Variants in C15orf40 observed in about 807,000 individuals in gnomAD.
C15orf40 encodes chromosome 15 open reading frame 40, also known as UPF0235 protein C15orf40.
A neutral mutation model predicts 13.9 loss-of-function variants in C15orf40; 9 were observed. The observed-to-expected ratio is 0.65, with a 90% CI of 0.39 to 1.13. The LOEUF is 1.13. Ranked by LOEUF, C15orf40 falls within the 50% of genes most tolerant of loss-of-function variation. The pLI is 0.01. For missense variants in C15orf40, 225 were observed against 188.5 expected (o/e 1.19, Z -1.13); for synonymous variants, 95 against 69.2 (o/e 1.37, Z -1.85).
At chr15:82,990,543 C>CT (rs397854504), downstream of C15orf40, 48,731 of 681,892 alleles carry the variant, frequency 0.071, 179 homozygotes, top group South Asian at 0.11. Flanking sequence ...AAAACAATTG[C>CT]TTTTTTTTTT....
intron 1 of C15orf40, 110 bp downstream of exon 1, chr15:83,011,387 G>T (rs1394998585): frequency 1.6e-6 from 2 of 1,258,668 alleles, no homozygotes; most frequent in Non-Finnish European, 1.1e-6. Flanking sequence ...ACTGAGAGAC[G>T]GCAAGCCGCT....
At chr15:83,009,250 A>C (rs1305971336) in intron 2 of C15orf40, among the ~76,000 whole-genome samples, 1 of 152,238 alleles carries the variant, frequency 6.6e-6, no homozygotes, top group Non-Finnish European at 1.5e-5. Context: ...AGGCTTTACA[A>C]ATACTAACTT....
Position 83,005,555 on chromosome 15 carries a change from A to T in C15orf40, c.*42T>A. 1 of 1,542,414 alleles carries T rather than the reference A, an allele frequency of 6.5e-7. No homozygotes were observed. The highest frequency in any genetic ancestry group is 8.8e-7 in the Non-Finnish European group (1 of 1,139,082). ...CACCACGGCCTCCCAAAGTGCTGGG[A>T]TTACAGGCATGAGCCACTGCGCCCG... On this transcript the variant is annotated 3_prime_UTR_variant, in exon 4 of 4. Transcript: ENST00000304177.
Position 82,997,638 on chromosome 15 carries a change from A to C in C15orf40, c.*7959T>G, listed in dbSNP as rs911355035. On this transcript the variant is annotated 3_prime_UTR_variant, in exon 4 of 4. Coordinates refer to ENST00000304177, the MANE Select transcript of C15orf40 (RefSeq NM_144597.3). Reference sequence around the variant, plus strand: ...GACACAGCAACCATCCGATCTCTCAATCTTTTCCCCACCTTTCCCGCCTTT... The same window carrying C: ...GACACAGCAACCATCCGATCTCTCACTCTTTTCCCCACCTTTCCCGCCTTT... 1.1e-5 allele frequency: 3 copies of C among 275,522 alleles called. No homozygotes were observed. The highest frequency in any genetic ancestry group is 2.9e-5 in the South Asian group (1 of 34,388). The allele number at this position is 275,522 out of a possible 1,614,324, so 17.1% of individuals were successfully genotyped here. A position where few individuals can be genotyped will look rare whatever the true frequency, so the allele number is the denominator to read the frequency against.
At chr15:82,990,069 A>G (rs761850135), downstream of C15orf40, 3 of 1,348,062 alleles carry the variant, frequency 2.2e-6, no homozygotes, top group Non-Finnish European at 3.0e-6. Flanking sequence ...TACTACTGAT[A>G]GAAATGTTGG....
chr15:82,991,357 C>A (rs545048904), downstream of C15orf40, among the ~76,000 whole-genome samples: 76 of 152,144 alleles, frequency 5.0e-4, no homozygotes, highest in African/African-American at 1.6e-3. Context: ...CCAGCCTGAC[C>A]AACATGATGA....
At position 82,998,145 on chromosome 15, in the gene C15orf40, A is replaced by AAG; in HGVS notation, c.*7451_*7452insCT. The stretch of plus-strand genomic sequence containing the variant: ...GGCAGAGGCGCCCCTCACCTCCCGG[A>AAG]CGGGGCGGCTGGCCGGGCGGGGGGC... On this transcript the variant is annotated 3_prime_UTR_variant, in exon 4 of 4. Coordinates refer to ENST00000304177, the MANE Select transcript of C15orf40 (RefSeq NM_144597.3). 8.7e-6 allele frequency: 1 copy of AAG among 114,722 alleles called. No individual in the cohort carries two copies. The highest frequency in any genetic ancestry group is 1.8e-5 in the Non-Finnish European group (1 of 54,540). The allele number at this position is 114,722 out of a possible 1,614,324, so 7.1% of individuals were successfully genotyped here. A position where few individuals can be genotyped will look rare whatever the true frequency, so the allele number is the denominator to read the frequency against.
At chr15:82,992,874 T>C (rs1161485936), downstream of C15orf40, among the ~76,000 whole-genome samples, 1 of 152,176 alleles carries the variant, frequency 6.6e-6, no homozygotes, top group African/African-American at 2.4e-5. Flanking sequence ...TAACAGCAGT[T>C]ACTATCAGAC....
intron 3 of C15orf40, chr15:83,008,158 C>G (rs961179025): frequency 9.6e-6 from 2 of 208,954 alleles, no homozygotes; most frequent in South Asian, 6.6e-5. Flanking sequence ...CACCACTGCA[C>G]TCCAGGCTGG....
At chr15:83,007,266 T>A (rs953989590) in intron 3 of C15orf40, among the ~76,000 whole-genome samples, 2 of 152,204 alleles carry the variant, frequency 1.3e-5, no homozygotes, top group African/African-American at 4.8e-5. Flanking sequence ...GAGTCCCTCA[T>A]GGAGATGACT....
At chr15:82,992,924 T>G (rs2030922191), downstream of C15orf40, among the ~76,000 whole-genome samples, 1 of 151,818 alleles carries the variant, frequency 6.6e-6, no homozygotes, top group African/African-American at 2.4e-5. Context: ...CAGGAAGAAA[T>G]AAAAGGTACA....
intron 2 of C15orf40, among the ~76,000 whole-genome samples, chr15:83,009,595 TC>T (rs773989633): frequency 9.5e-4 from 145 of 152,052 alleles, no homozygotes; most frequent in Non-Finnish European, 1.6e-3. Flanking sequence ...TAGAATCCCT[TC>T]CCCCAATTTT....
At position 83,004,177 on chromosome 15, in the gene C15orf40, C is replaced by T. The variant is rs907970419; in HGVS notation, c.*1420G>A. Reference sequence around the variant, plus strand: ...CAGAGACAGATACAGGGTCTCACTTCGTTGCCCAGGCTGGTCTCAAACTCC... The same window carrying T: ...CAGAGACAGATACAGGGTCTCACTTTGTTGCCCAGGCTGGTCTCAAACTCC... On this transcript the variant is annotated 3_prime_UTR_variant, in exon 4 of 4. Transcript: ENST00000304177. 27 of 199,776 alleles carry T rather than the reference C, an allele frequency of 1.4e-4. No homozygotes were observed. Among genetic ancestry groups the T allele is most frequent in the Non-Finnish European group, 2.1e-4 (23 of 111,860 alleles). 12.4% of individuals were successfully genotyped at this position (199,776 alleles called of 1,614,324 possible). A position where few individuals can be genotyped will look rare whatever the true frequency, so the allele number is the denominator to read the frequency against.
In C15orf40 at chr15:83,002,387, CCTCT is replaced by C. The variant is rs1335721501; in HGVS notation, c.*3206_*3209del. The C allele has an allele frequency of 6.6e-6, 1 of 152,272 alleles. No individual in the cohort carries two copies. Among genetic ancestry groups the C allele is most frequent in the Non-Finnish European group, 1.5e-5 (1 of 68,074 alleles). 9.4% of individuals were successfully genotyped at this position (152,272 alleles called of 1,614,324 possible). A position where few individuals can be genotyped will look rare whatever the true frequency, so the allele number is the denominator to read the frequency against. On this transcript the variant is annotated 3_prime_UTR_variant, in exon 4 of 4. Coordinates refer to ENST00000304177, the MANE Select transcript of C15orf40 (RefSeq NM_144597.3). The stretch of plus-strand genomic sequence containing the variant: ...TGGTGGTTCCTCTCCAGCATCCATT[CCTCT>C]CTTTGTAACTTTTCCCAATTTTATT...
Position 83,001,104 on chromosome 15 carries a change from C to T in C15orf40, c.*4493G>A. The T allele has an allele frequency of 7.1e-6, 7 of 985,578 alleles. No homozygotes were observed. Among genetic ancestry groups the T allele is most frequent in the Non-Finnish European group, 8.4e-6 (7 of 830,034 alleles). The allele number at this position is 985,578 out of a possible 1,614,324, so 61.1% of individuals were successfully genotyped here. On this transcript the variant is annotated 3_prime_UTR_variant, in exon 4 of 4. Transcript: ENST00000304177. Reference sequence around the variant, plus strand: ...CTGGGATTACAGGCATAAGCCACTGCACTGGCCTAGGTGTGCACTGCAAAG... The same window carrying T: ...CTGGGATTACAGGCATAAGCCACTGTACTGGCCTAGGTGTGCACTGCAAAG...
chr15:82,988,974 A>AT (rs551439689), downstream of C15orf40: 16 of 1,532,790 alleles, frequency 1.0e-5, no homozygotes, highest in Middle Eastern at 3.5e-4. Context: ...TAATTTTTAA[A>AT]TTTTTTTTAA....
chr15:83,009,420 G>A (rs1039484459), intron 2 of C15orf40, among the ~76,000 whole-genome samples: 4 of 152,206 alleles, frequency 2.6e-5, no homozygotes, highest in African/African-American at 7.2e-5. Flanking sequence ...GCTGGCCAAG[G>A]AGGGTATGGC....
At position 82,998,356 on chromosome 15, in the gene C15orf40, G is replaced by A. The variant is rs1220818111; in HGVS notation, c.*7241C>T. 7.8e-6 allele frequency: 1 copy of A among 128,384 alleles called. No homozygotes were observed. The highest frequency in any genetic ancestry group is 1.7e-5 in the Non-Finnish European group (1 of 60,032). The allele number at this position is 128,384 out of a possible 1,614,324, so 8.0% of individuals were successfully genotyped here. ...AGATGGGGTGGCTGCCGGGCGGAGA[G>A]GCTCCTCACTTCTCAGATGGGGCAG... On this transcript the variant is annotated 3_prime_UTR_variant, in exon 4 of 4. Coordinates refer to ENST00000304177, the MANE Select transcript of C15orf40 (RefSeq NM_144597.3).
Position 82,996,872 on chromosome 15 carries a change from G to A in C15orf40, c.*8725C>T, listed in dbSNP as rs1241480509. The A allele has an allele frequency of 6.6e-6, 1 of 150,812 alleles. No individual in the cohort carries two copies. Among genetic ancestry groups the A allele is most frequent in the Non-Finnish European group, 1.5e-5 (1 of 67,698 alleles). 9.3% of individuals were successfully genotyped at this position (150,812 alleles called of 1,614,324 possible). A position where few individuals can be genotyped will look rare whatever the true frequency, so the allele number is the denominator to read the frequency against. On this transcript the variant is annotated 3_prime_UTR_variant, in exon 4 of 4. Transcript: ENST00000304177. Reference sequence around the variant, plus strand: ...AATACAACAACAAGAAAAAAATTTAGCCAGGCATGGTGGCTCAGGCCTGTA... The same window carrying A: ...AATACAACAACAAGAAAAAAATTTAACCAGGCATGGTGGCTCAGGCCTGTA...
Sources: gnomAD v4.1 joint callset for allele counts (sites outside exome capture counted in the v4.1 genomes callset) on GRCh38, gnomAD v4.1.1 for gene constraint, MANE v1.5 for transcripts, NCBI Gene and HGNC (gene_info 2026-07-23, HGNC 2026-07-21) for gene names.